AUTS2: variants seen among roughly 807,000 people sequenced by gnomAD.
AUTS2 encodes the protein autism susceptibility gene 2 protein.
AUTS2 carries 17 observed loss-of-function variants against 112.4 expected under a neutral mutation model. The observed-to-expected ratio is 0.15, with a 90% CI of 0.10 to 0.23. The LOEUF (loss-of-function observed/expected upper bound fraction) is 0.23, where lower values mean the gene tolerates loss of function less well. Among genes scored for constraint, AUTS2 ranks in the 10% least tolerant of loss-of-function variants. The pLI is 1.00. For missense variants in AUTS2, 1,510 were observed against 1,701.6 expected, an observed-to-expected ratio of 0.89 and a Z score of 1.98; for synonymous variants, 751 against 702.7, an observed-to-expected ratio of 1.07 and a Z score of -1.09.
At chr7:70,455,701 C>A (rs1454745492) in intron 5 of AUTS2, among the ~76,000 whole-genome samples, 1 of 152,124 alleles carries the variant, frequency 6.6e-6, no homozygotes, top group African/African-American at 2.4e-5. Context: ...GTGGGAGGAT[C>A]ACTTGAGGCC....
At chr7:69,636,822 G>C (rs1794563983) in intron 1 of AUTS2, among the ~76,000 whole-genome samples, 1 of 152,006 alleles carries the variant, frequency 6.6e-6, no homozygotes, top group African/African-American at 2.4e-5. Flanking sequence ...CTGGAGTACA[G>C]TGGCGCGATC....
At chr7:70,473,122 G>T (rs1288526425) in intron 5 of AUTS2, among the ~76,000 whole-genome samples, 1 of 152,198 alleles carries the variant, frequency 6.6e-6, no homozygotes, top group Non-Finnish European at 1.5e-5. Flanking sequence ...ATTTGATGCT[G>T]AAATAGGGAA....
At chr7:69,744,497 A>G (rs1413074414) in intron 1 of AUTS2, among the ~76,000 whole-genome samples, 1 of 152,114 alleles carries the variant, frequency 6.6e-6, no homozygotes, top group East Asian at 1.9e-4. Context: ...CTATTAGACC[A>G]GTGATTTCAC....
chr7:70,309,489 T>C (rs1405416691), intron 4 of AUTS2, among the ~76,000 whole-genome samples: 1 of 152,238 alleles, frequency 6.6e-6, no homozygotes, highest in Admixed American at 6.5e-5. Context: ...TTGCATGTAC[T>C]ACAGCTTGTG....
chr7:70,084,596 C>T (rs1480767816), intron 2 of AUTS2, among the ~76,000 whole-genome samples: 1 of 152,138 alleles, frequency 6.6e-6, no homozygotes, highest in Non-Finnish European at 1.5e-5. Context: ...AGTGCTATCT[C>T]ATTGTGGTCT....
intron 5 of AUTS2, among the ~76,000 whole-genome samples, chr7:70,607,060 G>A (rs146873113): frequency 4.6e-5 from 7 of 152,164 alleles, no homozygotes; most frequent in African/African-American, 7.2e-5. Context: ...TGACCAATTC[G>A]GAGTGATTTG....
At chr7:70,767,767 A>C (rs193003601) in intron 9 of AUTS2, among the ~76,000 whole-genome samples, 4 of 152,334 alleles carry the variant, frequency 2.6e-5, no homozygotes, top group Admixed American at 2.0e-4. Context: ...GCCAATCTGT[A>C]GAAAGAAAAT....
chr7:69,972,936 G>GT (rs1797914040), intron 2 of AUTS2, among the ~76,000 whole-genome samples: 1 of 151,950 alleles, frequency 6.6e-6, no homozygotes, highest in Admixed American at 6.6e-5. Flanking sequence ...TAGTACCTGT[G>GT]TTTTTTCATA....
In AUTS2 at chr7:70,299,988, T is replaced by G. The variant is rs146789819; in HGVS notation, c.661-135764T>G. Among the ~76,000 whole-genome samples, 1,025 of 152,288 alleles carry G rather than the reference T, an allele frequency of 6.7e-3. 13 individuals carry two copies. The highest frequency in any genetic ancestry group is 0.023 in the African/African-American group (974 of 41,548). On this transcript the variant is annotated intron_variant, in intron 4 of 18. Coordinates refer to ENST00000342771, the MANE Select transcript of AUTS2 (RefSeq NM_015570.4). Reference sequence around the variant, plus strand: ...GATCCAAAGAATTTTATGATAGCCTTGCTTATAAAGAAAAATAACACCTTA... The same window carrying G: ...GATCCAAAGAATTTTATGATAGCCTGGCTTATAAAGAAAAATAACACCTTA...
intron 5 of AUTS2, among the ~76,000 whole-genome samples, chr7:70,597,118 A>G (rs1017670920): frequency 5.3e-5 from 8 of 152,228 alleles, no homozygotes; most frequent in African/African-American, 1.9e-4. Flanking sequence ...TAAGTAACCA[A>G]TGAGTTGAAA....
At chr7:69,938,641 GCA>G (rs1387427425) in intron 2 of AUTS2, among the ~76,000 whole-genome samples, 1 of 152,192 alleles carries the variant, frequency 6.6e-6, no homozygotes, top group Non-Finnish European at 1.5e-5. Context: ...AGGGAGATAA[GCA>G]GTACACCCTA....
chr7:70,760,195 C>T (rs898514475), intron 6 of AUTS2, among the ~76,000 whole-genome samples: 3 of 152,092 alleles, frequency 2.0e-5, no homozygotes, highest in African/African-American at 7.2e-5. Context: ...TTAGTAGAGG[C>T]AGGGTTTCAC....
intron 3 of AUTS2, among the ~76,000 whole-genome samples, chr7:70,128,613 G>T (rs540271339): frequency 9.2e-5 from 14 of 152,304 alleles, no homozygotes; most frequent in Admixed American, 9.2e-4. Flanking sequence ...AAGAAAAATG[G>T]CTTGTGTGGC....
At chr7:70,540,365 A>G (rs1800504209) in intron 5 of AUTS2, among the ~76,000 whole-genome samples, 3 of 152,160 alleles carry the variant, frequency 2.0e-5, no homozygotes. Flanking sequence ...TTGTAATGGG[A>G]ACAGCCTCTT....
intron 5 of AUTS2, among the ~76,000 whole-genome samples, chr7:70,624,194 A>G (rs1038580680): frequency 1.3e-5 from 2 of 152,244 alleles, no homozygotes; most frequent in Non-Finnish European, 2.9e-5. Context: ...TAGACCATTC[A>G]GGTAAAGCAC....
intron 1 of AUTS2, among the ~76,000 whole-genome samples, chr7:69,704,922 AGTGGCACAATCAC>A (rs1478487838): frequency 6.6e-6 from 1 of 152,054 alleles, no homozygotes. Flanking sequence ...GCTAGAGTGC[AGTGGCACAATCAC>A]AACTCACTGC....
chr7:70,038,559 C>A (rs554318007), intron 2 of AUTS2, among the ~76,000 whole-genome samples: 1 of 152,026 alleles, frequency 6.6e-6, no homozygotes, highest in Non-Finnish European at 1.5e-5. Context: ...AAGAATATAT[C>A]TCAGAGTTAT....
intron 1 of AUTS2, among the ~76,000 whole-genome samples, chr7:69,795,666 A>C (rs1006881197): frequency 6.6e-6 from 1 of 152,236 alleles, no homozygotes; most frequent in Non-Finnish European, 1.5e-5. Context: ...GTTGGATGCG[A>C]AAGGTTTGTT....
At chr7:70,589,519 G>C (rs537047709) in intron 5 of AUTS2, among the ~76,000 whole-genome samples, 1 of 152,304 alleles carries the variant, frequency 6.6e-6, no homozygotes, top group South Asian at 2.1e-4. Flanking sequence ...TTTGAGACCA[G>C]CCTAGCCAAC....
Sources: gnomAD v4.1 joint callset for allele counts (sites outside exome capture counted in the v4.1 genomes callset) on GRCh38, gnomAD v4.1.1 for gene constraint, MANE v1.5 for transcripts, NCBI Gene and HGNC (gene_info 2026-07-23, HGNC 2026-07-21) for gene names.